The following CHD9 variants were observed in gnomAD, a reference collection of about 807,000 sequenced individuals.
CHD9 encodes the protein ATP-dependent chromatin remodeler CHD9.
A neutral mutation model predicts 316.1 loss-of-function variants in CHD9; 77 were observed. That is an observed-to-expected ratio of 0.24 (90% confidence interval 0.20 to 0.29). CHD9 has a LOEUF of 0.29. CHD9 is among the 10% of genes least tolerant of loss of function. CHD9 has a pLI of 1.00. For synonymous variants in CHD9, 1,129 were observed against 1,158.3 expected (o/e 0.97, Z 0.51); for missense variants, 2,763 against 3,438.1 (o/e 0.80, Z 4.91).
chr16:53,193,176 A>G (rs2388012), intron 2 of CHD9, among the ~76,000 whole-genome samples: 150,660 of 152,258 alleles, frequency 0.99, 74,546 homozygotes, highest in East Asian at 1. Context: ...CCGGCCGGGC[A>G]CGGTGGCTCA....
chr16:53,257,576 T>G (rs897168830), intron 19 of CHD9, among the ~76,000 whole-genome samples: 1 of 152,058 alleles, frequency 6.6e-6, no homozygotes, highest in African/African-American at 2.4e-5. Flanking sequence ...ACTTGAAGAT[T>G]TTTTGCTTAA....
At chr16:53,063,016 G>A (rs969956584) in intron 1 of CHD9, among the ~76,000 whole-genome samples, 2 of 151,872 alleles carry the variant, frequency 1.3e-5, no homozygotes, top group Admixed American at 6.6e-5. Context: ...GTGAAACTCC[G>A]TCTCAAAAAA....
chr16:53,325,028 A>G lies in CHD9; in HGVS notation c.*133A>G, dbSNP rs1353950996. 3 of 739,978 alleles carry G rather than the reference A, an allele frequency of 4.1e-6. No individual in the cohort carries two copies. The highest frequency in any genetic ancestry group is 4.2e-6 in the Non-Finnish European group (2 of 477,042). The allele number at this position is 739,978 out of a possible 1,614,324, so 45.8% of individuals were successfully genotyped here. On this transcript the variant is annotated 3_prime_UTR_variant, in exon 39 of 39. Transcript: ENST00000447540. The stretch of plus-strand genomic sequence containing the variant: ...TTCAGTTATTTGTTTAGAAGTGCAA[A>G]CTGCTTTCAGAGACTTTTTGCATGT...
In CHD9 at chr16:53,200,580, A is replaced by G. The variant is rs2045369353; in HGVS notation, c.1453-8902A>G. On this transcript the variant is annotated intron_variant, in intron 2 of 38. Transcript: ENST00000447540. ...CAGCTCTTGTTTAGAGTAGAATTCCAATTGAAAATGTGGAAGGAATTATGG... is the reference window on the plus strand; with the variant it reads ...CAGCTCTTGTTTAGAGTAGAATTCCGATTGAAAATGTGGAAGGAATTATGG... 2.0e-5 allele frequency among the ~76,000 whole-genome samples: 3 copies of G among 152,136 alleles called. 1 individual carries two copies. The South Asian group carries it at 6.2e-4, about 32-fold the overall frequency.
At chr16:53,114,610 C>A (rs1159141641) in intron 1 of CHD9, among the ~76,000 whole-genome samples, 1 of 142,270 alleles carries the variant, frequency 7.0e-6, no homozygotes, top group Non-Finnish European at 1.5e-5. Context: ...TTTTTTGAGA[C>A]GGAGTCTCGC....
At chr16:53,088,663 A>G (rs2035680382) in intron 1 of CHD9, among the ~76,000 whole-genome samples, 5 of 151,776 alleles carry the variant, frequency 3.3e-5, no homozygotes, top group Admixed American at 3.3e-4. Context: ...AGGGCATTGC[A>G]GGGGTGTTGG....
At chr16:53,217,063 T>C (rs2046819365) in intron 3 of CHD9, among the ~76,000 whole-genome samples, 3 of 152,174 alleles carry the variant, frequency 2.0e-5, no homozygotes, top group Non-Finnish European at 4.4e-5. Context: ...CCCCTTTTTT[T>C]GTTGGCCAGG....
At chr16:53,155,528 C>G (rs1384094291) in intron 1 of CHD9, among the ~76,000 whole-genome samples, 1 of 152,090 alleles carries the variant, frequency 6.6e-6, no homozygotes, top group Non-Finnish European at 1.5e-5. Flanking sequence ...CTTAAAGTAG[C>G]TTTATTGAGA....
At chr16:53,240,560 A>G (rs2152945980) in intron 12 of CHD9, among the ~76,000 whole-genome samples, 1 of 152,250 alleles carries the variant, frequency 6.6e-6, no homozygotes, top group Admixed American at 6.5e-5. Flanking sequence ...TCTGCACTTC[A>G]AATATAGAAA....
At chr16:53,212,076 C>A (rs1003250989) in intron 3 of CHD9, among the ~76,000 whole-genome samples, 4 of 152,076 alleles carry the variant, frequency 2.6e-5, no homozygotes, top group African/African-American at 9.7e-5. Context: ...GAAAGCAGTG[C>A]AACTTAATCA....
chr16:53,266,181 T>C (rs192453178), intron 20 of CHD9, among the ~76,000 whole-genome samples: 1 of 152,132 alleles, frequency 6.6e-6, no homozygotes, highest in Admixed American at 6.6e-5. Context: ...ACAACATATT[T>C]ATGTGTCTTC....
chr16:53,184,427 C>T (rs769407358), intron 2 of CHD9, among the ~76,000 whole-genome samples: 18 of 152,156 alleles, frequency 1.2e-4, no homozygotes, highest in Non-Finnish European at 2.6e-4. Context: ...GCCTCAACCT[C>T]CTGGGCTCAA....
intron 1 of CHD9, among the ~76,000 whole-genome samples, chr16:53,150,062 C>A (rs901575959): frequency 6.6e-6 from 1 of 152,022 alleles, no homozygotes; most frequent in African/African-American, 2.4e-5. Flanking sequence ...TTCTGCTAAT[C>A]TTTTCCTTTT....
intron 1 of CHD9, among the ~76,000 whole-genome samples, chr16:53,147,573 T>A (rs907459052): frequency 1.3e-5 from 2 of 152,230 alleles, no homozygotes; most frequent in Admixed American, 1.3e-4. Context: ...CTCTGTGAAT[T>A]TTCCCATTCT....
rs776126947 is a variant in CHD9 at position 53,156,491 on chromosome 16, A to G, written c.402A>G (p.Ser134=). The G allele has an allele frequency of 1.9e-6, 3 of 1,613,958 alleles. No homozygotes were observed. Among genetic ancestry groups the G allele is most frequent in the Middle Eastern group, 1.6e-4 (1 of 6,062 alleles). ...MWGHQTATTI[S]NQNGSPFHQQ... ...GCCATCAGACAGCTACTACCATTTC[A>G]AATCAAAATGGATCTCCTTTTCACC... The change falls in exon 2 of 39, where the codon TCA becomes TCG. Residue 134 remains serine (S), a synonymous_variant. Coordinates refer to ENST00000447540, the MANE Select transcript of CHD9 (RefSeq NM_001308319.2).
Position 53,235,309 on chromosome 16 carries a change from A to G in CHD9, c.2633+3A>G, listed in dbSNP as rs2048525588. On this transcript the variant is annotated splice_donor_region_variant and intron_variant, in intron 11 of 38. Coordinates refer to ENST00000447540, the MANE Select transcript of CHD9 (RefSeq NM_001308319.2). ...CTCTTGTTCAATTGGTACAATAGGT[A>G]TGTAGTATATCTTAATAAAAAAAAT... The G allele has an allele frequency of 6.5e-7, 1 of 1,531,266 alleles. No homozygotes were observed. Among genetic ancestry groups the G allele is most frequent in the Non-Finnish European group, 8.8e-7 (1 of 1,136,646 alleles). 94.9% of individuals were successfully genotyped at this position (1,531,266 alleles called of 1,614,324 possible).
chr16:53,121,072 G>A (rs534773727), intron 1 of CHD9, among the ~76,000 whole-genome samples: 4 of 152,118 alleles, frequency 2.6e-5, no homozygotes, highest in Non-Finnish European at 4.4e-5. Flanking sequence ...TGCAAATGAA[G>A]GTTAAGTGTT....
intron 18 of CHD9, among the ~76,000 whole-genome samples, 195 bp from the exon 19 acceptor site, chr16:53,255,405 T>C (rs939929909): frequency 2.0e-5 from 3 of 152,154 alleles, no homozygotes; most frequent in African/African-American, 7.2e-5. Context: ...GGCAGATGGG[T>C]AATTCTTATT....
intron 30 of CHD9, among the ~76,000 whole-genome samples, chr16:53,300,107 A>G (rs531759670): frequency 7.2e-5 from 11 of 152,294 alleles, no homozygotes; most frequent in African/African-American, 2.4e-4. Context: ...TAATCCCAAC[A>G]CTTTGGGAGG....
Sources: allele counts gnomAD v4.1 joint callset (sites outside exome capture counted in the v4.1 genomes callset), GRCh38; gene constraint gnomAD v4.1.1; transcripts MANE v1.5; gene names NCBI Gene and HGNC (gene_info 2026-07-23, HGNC 2026-07-21).